The following ZNF808 variants were observed in gnomAD, a reference collection of about 807,000 sequenced individuals.
ZNF808 encodes the protein zinc finger protein 808.
A neutral mutation model predicts 8.7 loss-of-function variants in ZNF808; 5 were observed. The ratio of observed to expected loss-of-function variants is 0.58; its 90% CI spans 0.30 to 1.21. The LOEUF is 1.21. Among genes scored for constraint, ZNF808 ranks in the 50% most tolerant of loss-of-function variants. The probability of loss-of-function intolerance (pLI) is 0.07; values close to 1 mark genes in which losing one functional copy is unlikely to be tolerated. For missense variants in ZNF808, 1,103 were observed against 1,098.4 expected (o/e 1.00, Z -0.06); for synonymous variants, 380 against 366.0 (o/e 1.04, Z -0.44).
chr19:52,553,152 A>G lies in ZNF808; in HGVS notation c.236A>G (p.Gln79Arg). 6.3e-7 allele frequency: 1 copy of G among 1,595,006 alleles called. No individual in the cohort carries two copies. ...ATGAAGGAGGTCTTGTCAACAGGGC[A>G]AGGCAATAGAGAAGTGATCCACACA... ...HMMKEVLSTGQGNREVIHTGT... is the reference protein window; with the variant it reads ...HMMKEVLSTGRGNREVIHTGT... Residue 79 changes from glutamine (Q) to arginine (R), a missense_variant, in exon 5 of 5, where the codon CAA becomes CGA. Transcript: ENST00000359798.
At chr19:52,559,871 T>TG (rs2059850705), downstream of ZNF808, among the ~76,000 whole-genome samples, 1 of 152,152 alleles carries the variant, frequency 6.6e-6, no homozygotes, top group South Asian at 2.1e-4. Context: ...GGATTAGAGA[T>TG]GCACGCCACC....
At chr19:52,551,472 G>A (rs1180262403) in intron 4 of ZNF808, among the ~76,000 whole-genome samples, 2 of 152,032 alleles carry the variant, frequency 1.3e-5, no homozygotes, top group Admixed American at 6.6e-5. Flanking sequence ...TCATACATCA[G>A]AAGGTAGTGA....
chr19:52,529,861 G>C (rs898284738), intron 1 of ZNF808, among the ~76,000 whole-genome samples: 1 of 151,292 alleles, frequency 6.6e-6, no homozygotes, highest in African/African-American at 2.4e-5. Context: ...GCTGGGACCA[G>C]AGGCATGAGC....
chr19:52,545,236 T>C (rs2059709711), intron 3 of ZNF808, among the ~76,000 whole-genome samples: 1 of 152,084 alleles, frequency 6.6e-6, no homozygotes. Context: ...GTGGGGTGAT[T>C]TTGTTTCACT....
intron 2 of ZNF808, among the ~76,000 whole-genome samples, chr19:52,535,195 G>A: frequency 6.6e-6 from 1 of 151,690 alleles, no homozygotes; most frequent in African/African-American, 2.4e-5. Flanking sequence ...GCCGAGCGTC[G>A]TGGTGGGCGC....
intron 4 of ZNF808, among the ~76,000 whole-genome samples, chr19:52,549,460 G>A (rs2059754252): frequency 6.6e-6 from 1 of 152,128 alleles, no homozygotes; most frequent in Admixed American, 6.6e-5. Context: ...TTAATTTAAG[G>A]ATGTAAAACT....
At chr19:52,562,673 A>G (rs1291780380) in intron 3 of ZNF808, among the ~76,000 whole-genome samples, 1 of 152,250 alleles carries the variant, frequency 6.6e-6, no homozygotes, top group East Asian at 1.9e-4. Context: ...ATAGTGAACT[A>G]CATAACTAAG....
intron 3 of ZNF808, among the ~76,000 whole-genome samples, chr19:52,561,836 G>C (rs971511165): frequency 6.6e-6 from 1 of 152,010 alleles, no homozygotes; most frequent in East Asian, 1.9e-4. Context: ...CATGAGCCAC[G>C]GTGCCTGGCT....
At chr19:52,561,163 TCTCTCTCTCTCTCTCTCTCTCTC>T (rs2059855375), downstream of ZNF808, among the ~76,000 whole-genome samples, 460 of 67,150 alleles carry the variant, frequency 6.9e-3, 4 homozygotes, top group African/African-American at 0.017. Context: ...ATCTGTTCTC[TCTCTCTCTCTCTCTCTCTCTCTC>T]TCTCTCTCTC....
chr19:52,533,714 G>A (rs1270592001), intron 2 of ZNF808, among the ~76,000 whole-genome samples: 1 of 151,128 alleles, frequency 6.6e-6, no homozygotes, highest in Admixed American at 6.6e-5. Context: ...AAATTAGCCG[G>A]GCATGGTGGC....
chr19:52,554,123 G>C lies in ZNF808; in HGVS notation c.1207G>C (p.Glu403Gln). The change falls in exon 5 of 5, where the codon GAG becomes CAG. Residue 403 changes from glutamate to glutamine, a missense_variant. Glu to Gln is a conservative substitution (Grantham distance 29). Transcript: ENST00000359798. ...HSGEKTYKCN[E>Q]CGKAFNHQSS... ...TGGAGAGAAAACATACAAGTGTAAT[G>C]AGTGTGGTAAGGCTTTTAATCATCA... 2 of 1,614,164 alleles carry C rather than the reference G, an allele frequency of 1.2e-6. No homozygotes were observed. Among genetic ancestry groups the C allele is most frequent in the Admixed American group, 1.7e-5 (1 of 60,018 alleles).
rs568951047 is a variant in ZNF808 at position 52,540,807 on chromosome 19, T to C, written c.-19-2459T>C. 1.1e-3 allele frequency among the ~76,000 whole-genome samples: 167 copies of C among 152,322 alleles called. 1 individual carries two copies. Among genetic ancestry groups the C allele is most frequent in the Middle Eastern group, 6.8e-3 (2 of 294 alleles). The stretch of plus-strand genomic sequence containing the variant: ...CTTTTTCAGTGTTTTAAACATCTAT[T>C]GCTATGTGTGCACAGTTGTGTGTAT... On this transcript the variant is annotated intron_variant, in intron 2 of 4. Coordinates refer to ENST00000359798, the MANE Select transcript of ZNF808 (RefSeq NM_001039886.4).
intron 1 of ZNF808, among the ~76,000 whole-genome samples, chr19:52,529,249 G>A (rs71358880): frequency 0.034 from 5,172 of 151,666 alleles, 120 homozygotes; most frequent in African/African-American, 0.068. Flanking sequence ...GGGCATAATC[G>A]TGTGCACCTG....
chr19:52,539,050 C>G (rs113927837), intron 2 of ZNF808, among the ~76,000 whole-genome samples: 21 of 151,838 alleles, frequency 1.4e-4, no homozygotes, highest in East Asian at 3.9e-4. Context: ...TGGCTGGGGT[C>G]GGGAGTGGGG....
At chr19:52,534,736 A>C (rs1012290212) in intron 2 of ZNF808, among the ~76,000 whole-genome samples, 13 of 152,062 alleles carry the variant, frequency 8.5e-5, no homozygotes, top group Non-Finnish European at 1.6e-4. Flanking sequence ...CAAAAATATG[A>C]AAGTTAGCTG....
At chr19:52,561,085 C>T (rs1168896709), downstream of ZNF808, among the ~76,000 whole-genome samples, 1 of 151,854 alleles carries the variant, frequency 6.6e-6, no homozygotes, top group Non-Finnish European at 1.5e-5. Flanking sequence ...GCTTCAGAAC[C>T]ACTGTCAGCA....
intron 2 of ZNF808, among the ~76,000 whole-genome samples, chr19:52,538,396 G>A (rs1442482117): frequency 6.6e-6 from 1 of 151,640 alleles, no homozygotes; most frequent in Non-Finnish European, 1.5e-5. Context: ...AGGCTGGAGT[G>A]CAATGGCACA....
Position 52,553,316 on chromosome 19 carries a change from A to T in ZNF808, c.400A>T (p.Lys134Ter), listed in dbSNP as rs1043625608. Residue 134 changes from lysine to a stop codon, truncating the protein, a stop_gained, in exon 5 of 5, where the codon AAG (lysine) becomes TAG (stop). Transcript: ENST00000359798. LOFTEE classifies it low-confidence loss of function (END_TRUNC). ...GHEAPTTKIK[K>*]LTGSTDQHDH... Reference sequence around the variant, plus strand: ...TGAAGCACCCACGACAAAAATAAAAAAGTTGACTGGTAGCACAGACCAACA... The same window carrying T: ...TGAAGCACCCACGACAAAAATAAAATAGTTGACTGGTAGCACAGACCAACA... The T allele has an allele frequency of 6.2e-7, 1 of 1,613,642 alleles. No individual in the cohort carries two copies. The highest frequency in any genetic ancestry group is 1.3e-5 in the African/African-American group (1 of 74,862).
At chr19:52,547,454 G>C in intron 3 of ZNF808, 58 bp from the exon 4 acceptor site, 1 of 1,609,452 alleles carries the variant, frequency 6.2e-7, no homozygotes, top group East Asian at 2.2e-5. Context: ...CTCATTTCCT[G>C]TGAAGGTGAT....
Sources: gnomAD v4.1 joint callset for allele counts (sites outside exome capture counted in the v4.1 genomes callset) on GRCh38, gnomAD v4.1.1 for gene constraint, MANE v1.5 for transcripts, NCBI Gene and HGNC (gene_info 2026-07-23, HGNC 2026-07-21) for gene names.